The following HOOK2 variants were observed in gnomAD, a reference collection of about 807,000 sequenced individuals.
HOOK2 encodes the protein protein Hook homolog 2.
A neutral mutation model predicts 111.9 loss-of-function variants in HOOK2; 108 were observed. The ratio of observed to expected loss-of-function variants is 0.96; its 90% CI spans 0.83 to 1.13. The LOEUF is 1.13. HOOK2 is among the 50% of genes most tolerant of loss of function. HOOK2 has a pLI of 0.00. For synonymous variants in HOOK2, 405 were observed against 394.3 expected, an observed-to-expected ratio of 1.03 and a Z score of -0.32; for missense variants, 978 against 951.3, an observed-to-expected ratio of 1.03 and a Z score of -0.37.
chr19:12,771,324 G>A lies in HOOK2; in HGVS notation c.601-5C>T, dbSNP rs1968321708. Reference sequence around the variant, plus strand: ...CTCCTCTGACAGGAGCATCAGCTGCGGGCAGGGCAGAAAGATGAGCTTGGG... The same window carrying A: ...CTCCTCTGACAGGAGCATCAGCTGCAGGCAGGGCAGAAAGATGAGCTTGGG... On this transcript the variant is annotated splice_region_variant and splice_polypyrimidine_tract_variant and intron_variant, in intron 8 of 22. Transcript: ENST00000397668. 1 of 1,604,166 alleles carries A rather than the reference G, an allele frequency of 6.2e-7. No homozygotes were observed. The highest frequency in any genetic ancestry group is 8.5e-7 in the Non-Finnish European group (1 of 1,174,984).
chr19:12,766,670 GC>G, intron 14 of HOOK2: 1 of 167,306 alleles, frequency 6.0e-6, no homozygotes, highest in African/African-American at 2.4e-5. Context: ...TGCAACCTCT[GC>G]CTCCCAGGTT....
intron 18 of HOOK2, 74 bp downstream of exon 18, chr19:12,765,616 G>A: frequency 6.5e-7 from 1 of 1,538,284 alleles, no homozygotes; most frequent in Non-Finnish European, 9.0e-7. Flanking sequence ...AGGCATGGTG[G>A]CACATGCCTA....
chr19:12,786,845 T>G lies in HOOK2; in HGVS notation n.42-12620A>C, dbSNP rs921068441. 1.3e-5 allele frequency among the ~76,000 whole-genome samples: 2 copies of G among 152,176 alleles called. No individual in the cohort carries two copies. The highest frequency in any genetic ancestry group is 4.8e-5 in the African/African-American group (2 of 41,446). ...CCACAGAGACCCGTGCCCCTCTGTC[T>G]GTGCCCCACCACATTTCTCCCCCAA... On this transcript the variant is annotated intron_variant and non_coding_transcript_variant, in intron 3 of 3. Transcript: ENST00000589765. This position sits in a 1 kb window ranked among gnomAD's most constrained non-coding sequence, Gnocchi z 4.3.
In HOOK2 at chr19:12,771,166, TCTC is replaced by T. The variant is rs748169143; in HGVS notation, c.751_753del (p.Glu251del). The T allele has an allele frequency of 3.1e-6, 5 of 1,613,544 alleles. No individual in the cohort carries two copies. The highest frequency in any genetic ancestry group is 1.3e-5 in the African/African-American group (1 of 75,028). On this transcript the variant is annotated inframe_deletion, in exon 9 of 23. Transcript: ENST00000397668. ...GTCCCCAGCTGACCACACCTGAAGT[TCTC>T]CTCCTGCAACTGCTCCAGCTGGGAT... is the stretch of plus-strand genomic sequence containing the variant.
At chr19:12,764,763 A>G (rs1226565019) in intron 20 of HOOK2, 51 bp downstream of exon 20, 1 of 1,545,782 alleles carries the variant, frequency 6.5e-7, no homozygotes, top group African/African-American at 1.4e-5. Flanking sequence ...AGGAGGCACA[A>G]AAAGTAAGAA....
At chr19:12,766,395 G>C in intron 14 of HOOK2, 155 bp from the exon 15 acceptor site, 1 of 923,570 alleles carries the variant, frequency 1.1e-6, no homozygotes, top group Middle Eastern at 3.5e-4. Context: ...TACGGGTTCA[G>C]GTTCCCGGCC....
upstream of HOOK2, among the ~76,000 whole-genome samples, chr19:12,777,029 C>T (rs912330496): frequency 6.6e-6 from 1 of 151,456 alleles, no homozygotes; most frequent in South Asian, 2.1e-4. Flanking sequence ...TGGTGGCACG[C>T]GCCTGTAGTC....
Position 12,763,225 on chromosome 19 carries a change from G to C in HOOK2, c.*57C>G, listed in dbSNP as rs1399815000. ...GCTGAAGCCCAGTGCTGGGCGCCAT[G>C]TGAGCTGGAGGAAGCCAGGGTGGGT... On this transcript the variant is annotated 3_prime_UTR_variant, in exon 23 of 23. Transcript: ENST00000397668. 5.7e-6 allele frequency: 9 copies of C among 1,577,144 alleles called. No individual in the cohort carries two copies. Among genetic ancestry groups the C allele is most frequent in the Non-Finnish European group, 6.1e-6 (7 of 1,156,972 alleles).
upstream of HOOK2, among the ~76,000 whole-genome samples, chr19:12,781,863 CG>C (rs1487190751): frequency 6.6e-6 from 1 of 150,442 alleles, no homozygotes; most frequent in East Asian, 2.0e-4. Flanking sequence ...TCTTTTGAGA[CG>C]GGGTCTCCTG....
At chr19:12,789,442 G>A (rs1190584296) in intron 3 of HOOK2, among the ~76,000 whole-genome samples, 2 of 152,164 alleles carry the variant, frequency 1.3e-5, no homozygotes, top group African/African-American at 4.8e-5. Context: ...CTCTAGGGAA[G>A]GAGGGGGGCT....
At chr19:12,772,415 C>A (rs1272965341) in intron 6 of HOOK2, among the ~76,000 whole-genome samples, 163 bp from the exon 7 acceptor site, 1 of 152,224 alleles carries the variant, frequency 6.6e-6, no homozygotes, top group Non-Finnish European at 1.5e-5. Flanking sequence ...CAGAGGGAAG[C>A]CAGATCCCTT....
upstream of HOOK2, among the ~76,000 whole-genome samples, chr19:12,781,870 T>C (rs1002433857): frequency 1.3e-5 from 2 of 151,318 alleles, no homozygotes; most frequent in African/African-American, 2.4e-5. Flanking sequence ...AGACGGGGTC[T>C]CCTGTGTCGC....
chr19:12,787,791 C>T (rs1968671558), intron 3 of HOOK2, among the ~76,000 whole-genome samples: 1 of 151,620 alleles, frequency 6.6e-6, no homozygotes. Context: ...GCATGGTGGC[C>T]CACGCCTGTA....
intron 7 of HOOK2, chr19:12,771,687 A>T: frequency 1.7e-6 from 1 of 571,836 alleles, no homozygotes; most frequent in Non-Finnish European, 3.1e-6. Context: ...GTTCCAGACC[A>T]GCCTGCCCAA....
In HOOK2 at chr19:12,786,762, G is replaced by A. The variant is rs1437147967; in HGVS notation, n.42-12537C>T. Among the ~76,000 whole-genome samples the A allele has an allele frequency of 5.3e-5, 8 of 152,156 alleles. No homozygotes were observed. The highest frequency in any genetic ancestry group is 3.9e-4 in the Admixed American group (6 of 15,286). On this transcript the variant is annotated intron_variant and non_coding_transcript_variant, in intron 3 of 3. Coordinates refer to the HOOK2 transcript ENST00000589765. This position sits in a 1 kb window ranked among gnomAD's most constrained non-coding sequence, Gnocchi z 4.3. ...CCCTGTCTGGCCCAATCTCCACCCC[G>A]TGCTCAAACACCCATGCAGAGTGTT...
In HOOK2 at chr19:12,764,903, C is replaced by G. The variant is rs751710520; in HGVS notation, c.1738G>C (p.Glu580Gln). 1.2e-6 allele frequency: 2 copies of G among 1,614,184 alleles called. No homozygotes were observed. Among genetic ancestry groups the G allele is most frequent in the Non-Finnish European group, 1.7e-6 (2 of 1,180,030 alleles). Residue 580 changes from glutamate to glutamine, a missense_variant, in exon 20 of 23, where the codon GAG becomes CAG. Physicochemically the swap from Glu to Gln is conservative, Grantham distance 29 (BLOSUM62 2). Around this residue, in one of 5 missense-constraint regions of HOOK2, gnomAD observed 277 missense variants for 265.8 expected, o/e 1.04. Coordinates refer to ENST00000397668, the MANE Select transcript of HOOK2 (RefSeq NM_013312.3). Reference protein sequence around the residue: ...PTDSSTARRIEELQHNLQKKD... With the variant: ...PTDSSTARRIQELQHNLQKKD... ...TTCTGCAAGTTATGCTGCAGCTCCT[C>G]GATCCGCCGGGCTGCTGGCGGAAGA... is the stretch of plus-strand genomic sequence containing the variant.
intron 3 of HOOK2, among the ~76,000 whole-genome samples, chr19:12,789,633 G>C (rs1480276554): frequency 6.6e-6 from 1 of 151,894 alleles, no homozygotes; most frequent in Middle Eastern, 3.2e-3. Flanking sequence ...CCAGGCGCCG[G>C]GGGCGCCTCG....
chr19:12,783,187 G>A (rs565411816), upstream of HOOK2, among the ~76,000 whole-genome samples: 232 of 152,180 alleles, frequency 1.5e-3, 2 homozygotes, highest in Middle Eastern at 0.024. Context: ...GCGGAGTCTG[G>A]GACCCCTACA....
Position 12,771,261 on chromosome 19 carries a change from T to C in HOOK2, c.659A>G (p.Glu220Gly). ...CTCGCCTTCAGGCCGGCCCATCCGC[T>C]CCCGCAGCCCTGCATTCTCTTGCGC... The part of the protein sequence containing the change: ...SLAQENAGLR[E>G]RMGRPEGEGT... The change falls in exon 9 of 23, where the codon GAG becomes GGG. Residue 220 changes from glutamate to glycine, a missense_variant. By Grantham distance (98) the Glu-to-Gly change is moderately conservative. This residue lies in a region of HOOK2 where 301 missense variants were observed against 286.1 expected (regional missense o/e 1.05). Transcript: ENST00000397668. 6.2e-7 allele frequency: 1 copy of C among 1,606,626 alleles called. No homozygotes were observed. Among genetic ancestry groups the C allele is most frequent in the Non-Finnish European group, 8.5e-7 (1 of 1,176,418 alleles).
Sources: allele counts gnomAD v4.1 joint callset (sites outside exome capture counted in the v4.1 genomes callset), GRCh38; gene constraint gnomAD v4.1.1; regional missense constraint gnomAD v4.1.1; non-coding constraint Gnocchi (gnomAD v3.1); transcripts MANE v1.5; gene names NCBI Gene and HGNC (gene_info 2026-07-23, HGNC 2026-07-21).